F13A1: variants seen among roughly 807,000 people sequenced by gnomAD.
F13A1 encodes coagulation factor XIII A chain.
In F13A1, 47 loss-of-function variants were observed where a neutral mutation model predicts 80.1. That is an observed-to-expected ratio of 0.59 (90% CI 0.46 to 0.75). F13A1 has a LOEUF of 0.75. Ranked by LOEUF, F13A1 falls within the 30% of genes least tolerant of loss-of-function variation. The pLI is 0.00. For synonymous variants in F13A1, 349 were observed against 344.9 expected (o/e 1.01, Z -0.13); for missense variants, 817 against 930.4 (o/e 0.88, Z 1.59).
chr6:6,165,549 T>C (rs440330), intron 13 of F13A1, among the ~76,000 whole-genome samples: 5,215 of 152,278 alleles, frequency 0.034, 118 homozygotes, highest in Non-Finnish European at 0.05. Context: ...ACACAGGCCT[T>C]GCTGCTGTCA....
At chr6:6,268,350 G>A (rs1033910169) in intron 3 of F13A1, among the ~76,000 whole-genome samples, 1 of 152,280 alleles carries the variant, frequency 6.6e-6, no homozygotes, top group South Asian at 2.1e-4. Flanking sequence ...GACAAATCAG[G>A]AAACTAAGAG....
At chr6:6,167,131 A>G (rs1760687441) in intron 13 of F13A1, among the ~76,000 whole-genome samples, 1 of 152,194 alleles carries the variant, frequency 6.6e-6, no homozygotes, top group Non-Finnish European at 1.5e-5. Context: ...GGAGACACTG[A>G]AAGTTCTAAG....
rs985546657 is a variant in F13A1, at chr6:6,298,005, A to T, written c.319+7346T>A. ...TATTTCTGCCTTCATTTCATTATGTATCCAGTAGTCATTCAGGGGCAAGTT... is the reference window on the plus strand; with the variant it reads ...TATTTCTGCCTTCATTTCATTATGTTTCCAGTAGTCATTCAGGGGCAAGTT... On this transcript the variant is annotated intron_variant, in intron 3 of 14. Transcript: ENST00000264870. Among the ~76,000 whole-genome samples the T allele has an allele frequency of 2.0e-4, 30 of 150,480 alleles. 1 individual carries two copies. The highest frequency in any genetic ancestry group is 7.3e-4 in the African/African-American group (29 of 39,916).
intron 2 of F13A1, among the ~76,000 whole-genome samples, chr6:6,311,805 A>G (rs1181152545): frequency 3.4e-5 from 5 of 145,534 alleles, no homozygotes; most frequent in South Asian, 2.1e-4. Flanking sequence ...TATATTATAT[A>G]TTGTTTATAT....
At chr6:6,180,465 T>C (rs933662170) in intron 11 of F13A1, among the ~76,000 whole-genome samples, 7 of 152,246 alleles carry the variant, frequency 4.6e-5, no homozygotes, top group African/African-American at 1.7e-4. Flanking sequence ...GAGCCAGCTG[T>C]CGTGTGGATG....
In F13A1 at chr6:6,190,805, G is replaced by C. The variant is rs1190995752; in HGVS notation, c.1305+4992C>G. On this transcript the variant is annotated intron_variant, in intron 10 of 14. Coordinates refer to ENST00000264870, the MANE Select transcript of F13A1 (RefSeq NM_000129.4). ...TACCTAAGCAAGCCTGGGCAATGGTGGGCGCCCCTCCCCCAGCCTCGCTGC... is the reference window on the plus strand; with the variant it reads ...TACCTAAGCAAGCCTGGGCAATGGTCGGCGCCCCTCCCCCAGCCTCGCTGC... Among the ~76,000 whole-genome samples the C allele has an allele frequency of 3.3e-5, 5 of 152,206 alleles. No individual in the cohort carries two copies. The South Asian group carries it at 1.0e-3, about 32-fold the overall frequency.
chr6:6,217,429 C>T (rs1164039964), intron 8 of F13A1, among the ~76,000 whole-genome samples: 2 of 149,622 alleles, frequency 1.3e-5, no homozygotes, highest in Non-Finnish European at 3.0e-5. Flanking sequence ...ATCACAAGAA[C>T]AAAAAACCAA....
intron 4 of F13A1, among the ~76,000 whole-genome samples, chr6:6,264,402 C>T (rs1167669549): frequency 6.6e-6 from 1 of 152,144 alleles, no homozygotes; most frequent in Non-Finnish European, 1.5e-5. Context: ...ATAACAAACT[C>T]TTGATTGATA....
At chr6:6,191,028 A>T (rs1237772713) in intron 10 of F13A1, among the ~76,000 whole-genome samples, 9 of 152,188 alleles carry the variant, frequency 5.9e-5, no homozygotes, top group Non-Finnish European at 1.2e-4. Context: ...TAGGAAAGGG[A>T]ACTCCCTGAC....
chr6:6,156,028 C>T (rs1760470737), intron 13 of F13A1, among the ~76,000 whole-genome samples: 1 of 152,134 alleles, frequency 6.6e-6, no homozygotes, highest in Non-Finnish European at 1.5e-5. Flanking sequence ...TGTGTATTTG[C>T]TTTAGAGAAG....
rs7755550 is a variant in F13A1, at chr6:6,318,985, C to G, written c.-18-303G>C. Among the ~76,000 whole-genome samples the G allele has an allele frequency of 3.8e-3, 579 of 152,238 alleles. 7 individuals carry two copies. Among genetic ancestry groups the G allele is most frequent in the African/African-American group, 0.013 (545 of 41,540 alleles). On this transcript the variant is annotated intron_variant, in intron 1 of 14. Coordinates refer to ENST00000264870, the MANE Select transcript of F13A1 (RefSeq NM_000129.4). ...AAAGATTTTTGGAGACCCAGATTCC[C>G]CCACCCTCCATAATCCTACAGCAGC...
chr6:6,287,334 C>T (rs990899238), intron 3 of F13A1, among the ~76,000 whole-genome samples: 3 of 152,184 alleles, frequency 2.0e-5, no homozygotes, highest in East Asian at 1.9e-4. Flanking sequence ...TTCAGACCAG[C>T]GCTTTCTGGT....
At chr6:6,224,053 T>A (rs2113062087) in intron 7 of F13A1, among the ~76,000 whole-genome samples, 1 of 152,306 alleles carries the variant, frequency 6.6e-6, no homozygotes, top group African/African-American at 2.4e-5. Flanking sequence ...AAGAGAATAA[T>A]TCTGTTCTCA....
intron 4 of F13A1, among the ~76,000 whole-genome samples, chr6:6,264,556 C>T (rs2113121186): frequency 6.6e-6 from 1 of 152,288 alleles, no homozygotes; most frequent in South Asian, 2.1e-4. Flanking sequence ...CTATTTCCTT[C>T]TTTATCTATA....
At chr6:6,174,281 T>C (rs1760834285) in intron 12 of F13A1, among the ~76,000 whole-genome samples, 1 of 152,052 alleles carries the variant, frequency 6.6e-6, no homozygotes, top group East Asian at 1.9e-4. Context: ...TCCCAGCTAC[T>C]CGGGAGGCTG....
chr6:6,302,127 TGA>T (rs2113178231), intron 3 of F13A1, among the ~76,000 whole-genome samples: 1 of 152,334 alleles, frequency 6.6e-6, no homozygotes, highest in East Asian at 1.9e-4. Flanking sequence ...GAACGGCCTA[TGA>T]GAGTGTTTCA....
intron 3 of F13A1, 142 bp downstream of exon 3, chr6:6,305,209 G>A: frequency 2.2e-6 from 2 of 912,458 alleles, no homozygotes; most frequent in Non-Finnish European, 3.6e-6. Flanking sequence ...TAGAGCACAG[G>A]GTAATTCAGG....
Position 6,195,869 on chromosome 6 carries a change from G to C in F13A1, c.1233C>G (p.Gly411=). ...GCTTGATGGCTTGAACCGAGGCGGGGCCACACCGATACATGCCTGCATTGC... is the reference window on the plus strand; with the variant it reads ...GCTTGATGGCTTGAACCGAGGCGGGCCCACACCGATACATGCCTGCATTGC... The part of the protein sequence containing the change: ...QENSDGMYRC[G]PASVQAIKHG... Residue 411 remains glycine, a synonymous_variant, in exon 10 of 15, where the codon GGC becomes GGG. Transcript: ENST00000264870. 6.2e-7 allele frequency: 1 copy of C among 1,614,162 alleles called. No individual in the cohort carries two copies. Among genetic ancestry groups the C allele is most frequent in the Non-Finnish European group, 8.5e-7 (1 of 1,180,008 alleles).
At chr6:6,153,267 T>C (rs928173043) in intron 13 of F13A1, among the ~76,000 whole-genome samples, 12 of 152,202 alleles carry the variant, frequency 7.9e-5, no homozygotes, top group Admixed American at 7.9e-4. Context: ...TTTTTAAGAA[T>C]GGACGTAAAG....
Sources: gnomAD v4.1 joint callset for allele counts (sites outside exome capture counted in the v4.1 genomes callset) on GRCh38, gnomAD v4.1.1 for gene constraint, MANE v1.5 for transcripts, NCBI Gene and HGNC (gene_info 2026-07-23, HGNC 2026-07-21) for gene names.